The following UEVLD variants were observed in gnomAD, a reference collection of about 807,000 sequenced individuals.
UEVLD encodes ubiquitin-conjugating enzyme E2 variant 3.
UEVLD carries 47 observed loss-of-function variants against 58.6 expected under a neutral mutation model. That is an observed-to-expected ratio of 0.80 (90% CI 0.63 to 1.02). The LOEUF (loss-of-function observed/expected upper bound fraction) is 1.02, where lower values mean the gene tolerates loss of function less well. UEVLD is among the 50% of genes least tolerant of loss of function. The probability of loss-of-function intolerance (pLI) is 0.00; values close to 1 mark genes in which losing one functional copy is unlikely to be tolerated. For synonymous variants in UEVLD, 197 were observed against 195.3 expected (o/e 1.01, Z -0.07); for missense variants, 510 against 550.6 (o/e 0.93, Z 0.74).
chr11:18,534,803 CAT>C (rs1306782086), intron 10 of UEVLD, among the ~76,000 whole-genome samples: 1 of 152,204 alleles, frequency 6.6e-6, no homozygotes, highest in African/African-American at 2.4e-5. Context: ...CAGGCATTCT[CAT>C]AACTGCTATT....
rs34242612 is a variant in UEVLD, at chr11:18,546,995, A to T, written c.771T>A (p.Gly257=). 38,740 of 1,614,018 alleles carry T rather than the reference A, an allele frequency of 0.024. 1,420 individuals are homozygous for T. The highest frequency in any genetic ancestry group is 0.17 in the African/African-American group (12,683 of 74,966). The change falls in exon 8 of 12, where the codon GGT becomes GGA. Residue 257 remains glycine, a synonymous_variant. Coordinates refer to ENST00000396197, the MANE Select transcript of UEVLD (RefSeq NM_001040697.4). ...KVVIFTVNSL[G]SSQSYLDVVQ... is the part of the protein sequence containing the mutation. ...CCACATCAAGGTACGACTGAGAACT[A>T]CCCAAAGAGTTGACTGTGAAGATCA... is the stretch of plus-strand genomic sequence containing the variant.
rs751626540 is a variant in UEVLD, at chr11:18,578,794, GTCCCTGA to G, written c.50_56del (p.Phe17SerfsTer2). ...CATTCCTTAGTTCTTCCACAGTTAG[GTCCCTGA>G]ACTTGTACTGAAAAGAGAAAAATAA... On this transcript the variant is annotated frameshift_variant, in exon 2 of 12. Coordinates refer to ENST00000396197, the MANE Select transcript of UEVLD (RefSeq NM_001040697.4). LOFTEE classifies it high-confidence loss of function. The G allele has an allele frequency of 6.2e-7, 1 of 1,603,450 alleles. No homozygotes were observed. The highest frequency in any genetic ancestry group is 1.7e-5 in the Admixed American group (1 of 57,496).
At chr11:18,532,607 A>C (rs577017279) in intron 11 of UEVLD, 120 bp from the exon 12 acceptor site, 1 of 781,764 alleles carries the variant, frequency 1.3e-6, no homozygotes, top group African/African-American at 1.8e-5. Flanking sequence ...ACTTAAAAAA[A>C]TTTTTTTGTT....
chr11:18,547,194 A>G, intron 7 of UEVLD, 144 bp from the exon 8 acceptor site: 4 of 809,972 alleles, frequency 4.9e-6, no homozygotes, highest in Non-Finnish European at 7.5e-6. Context: ...CCACAAAAGC[A>G]TATAAAATGC....
At chr11:18,550,279 C>T (rs1851471104) in intron 7 of UEVLD, among the ~76,000 whole-genome samples, 1 of 152,196 alleles carries the variant, frequency 6.6e-6, no homozygotes, top group African/African-American at 2.4e-5. Context: ...TATGCCACAG[C>T]ACCCAGCTCA....
chr11:18,551,152 G>C (rs764676314), intron 7 of UEVLD, among the ~76,000 whole-genome samples: 1 of 152,082 alleles, frequency 6.6e-6, no homozygotes, highest in Non-Finnish European at 1.5e-5. Context: ...GGATAGGCCG[G>C]GTGCAGTGGC....
intron 10 of UEVLD, among the ~76,000 whole-genome samples, chr11:18,535,104 A>G (rs1437776196): frequency 6.6e-6 from 1 of 152,246 alleles, no homozygotes; most frequent in Non-Finnish European, 1.5e-5. Context: ...GCAAGATAGT[A>G]TGGATAGCAT....
At position 18,532,299 on chromosome 11, in the gene UEVLD, C is replaced by T. The variant is rs773852041; in HGVS notation, c.*21G>A. 154 of 1,582,178 alleles carry T rather than the reference C, an allele frequency of 9.7e-5. No individual in the cohort carries two copies. The highest frequency in any genetic ancestry group is 6.2e-4 in the Admixed American group (34 of 54,764). ...TTTTCCCTTTAGGTAGAAGTCCAGCCTCTCAAATTGCATTTGAGAATCAAA... is the reference window on the plus strand; with the variant it reads ...TTTTCCCTTTAGGTAGAAGTCCAGCTTCTCAAATTGCATTTGAGAATCAAA... On this transcript the variant is annotated 3_prime_UTR_variant, in exon 12 of 12. Transcript: ENST00000396197.
intron 9 of UEVLD, among the ~76,000 whole-genome samples, chr11:18,544,314 A>C (rs1198668687): frequency 2.0e-5 from 3 of 152,078 alleles, no homozygotes; most frequent in Non-Finnish European, 2.9e-5. Context: ...ATAATAATGT[A>C]CTTCTTTTTT....
At chr11:18,535,834 T>C (rs1290272960) in intron 10 of UEVLD, among the ~76,000 whole-genome samples, 1 of 152,214 alleles carries the variant, frequency 6.6e-6, no homozygotes, top group East Asian at 1.9e-4. Flanking sequence ...ACAAATTATC[T>C]TCTACATTAA....
chr11:18,541,377 G>A (rs1442342569), intron 9 of UEVLD, among the ~76,000 whole-genome samples: 1 of 152,196 alleles, frequency 6.6e-6, no homozygotes. Context: ...ATGTGTGCTT[G>A]TCTATACACA....
Position 18,580,478 on chromosome 11 carries a change from T to C in UEVLD, c.43-1670A>G, listed in dbSNP as rs545966546. Among the ~76,000 whole-genome samples, 34 of 152,020 alleles carry C rather than the reference T, an allele frequency of 2.2e-4. 1 individual carries two copies. The South Asian group carries it at 6.8e-3, about 31-fold the overall frequency. ...AACAATTCAAATGTCCATTAACTAATGAATGAATAAAATGTGGCATATCCA... is the reference window on the plus strand; with the variant it reads ...AACAATTCAAATGTCCATTAACTAACGAATGAATAAAATGTGGCATATCCA... On this transcript the variant is annotated intron_variant, in intron 1 of 11. Coordinates refer to ENST00000396197, the MANE Select transcript of UEVLD (RefSeq NM_001040697.4).
rs201872776 is a variant in UEVLD, at chr11:18,536,389, T to G, written c.1124+17A>C. The G allele has an allele frequency of 1.0e-4, 167 of 1,612,558 alleles. No homozygotes were observed. The Middle Eastern group carries it at 1.3e-3, about 13-fold the overall frequency. On this transcript the variant is annotated intron_variant, in intron 10 of 11. Coordinates refer to ENST00000396197, the MANE Select transcript of UEVLD (RefSeq NM_001040697.4). ...TGATTTTTCGTTGGATAAATGCAAATTTCCAGTCAGTGTTACCTGTTGGAC... is the reference window on the plus strand; with the variant it reads ...TGATTTTTCGTTGGATAAATGCAAAGTTCCAGTCAGTGTTACCTGTTGGAC...
intron 3 of UEVLD, among the ~76,000 whole-genome samples, chr11:18,572,421 C>T (rs1445527114): frequency 6.6e-6 from 1 of 152,168 alleles, no homozygotes; most frequent in African/African-American, 2.4e-5. Context: ...ATAGGCTTCA[C>T]TTCATCCCTT....
intron 1 of UEVLD, among the ~76,000 whole-genome samples, chr11:18,584,047 GT>G (rs1228168095): frequency 6.6e-6 from 1 of 152,046 alleles, no homozygotes; most frequent in African/African-American, 2.4e-5. Context: ...AGGGAACTAG[GT>G]AATTTCTCTA....
chr11:18,534,418 G>C lies in UEVLD; in HGVS notation c.1160C>G (p.Ser387Cys). 1 of 1,577,072 alleles carries C rather than the reference G, an allele frequency of 6.3e-7. No individual in the cohort carries two copies. Among genetic ancestry groups the C allele is most frequent in the South Asian group, 1.2e-5 (1 of 82,662 alleles). Residue 387 changes from serine to cysteine, a missense_variant, in exon 11 of 12, where the codon TCC (serine) becomes TGC (cysteine). Transcript: ENST00000396197. ...AGCTACTGATAGTCCAACAGACCAGGATCTTTGACCTTTTACTCTTAGCAG... is the reference window on the plus strand; with the variant it reads ...AGCTACTGATAGTCCAACAGACCAGCATCTTTGACCTTTTACTCTTAGCAG... ...MELLRVKGQR[S>C]WSVGLSVADM... is the part of the protein sequence containing the mutation.
chr11:18,575,121 G>A (rs993986568), intron 3 of UEVLD, among the ~76,000 whole-genome samples: 3 of 152,042 alleles, frequency 2.0e-5, no homozygotes, highest in Non-Finnish European at 2.9e-5. Context: ...TCGAAGTTAC[G>A]CTGTTCTATT....
At chr11:18,545,074 A>ATATATTT (rs1345787784) in intron 8 of UEVLD, among the ~76,000 whole-genome samples, 13 of 84,548 alleles carry the variant, frequency 1.5e-4, no homozygotes, top group East Asian at 1.0e-3. Context: ...CTATATCTAT[A>ATATATTT]TTTTTTTTTT....
intron 7 of UEVLD, 96 bp from the exon 8 acceptor site, chr11:18,547,146 A>G (rs1394963045): frequency 1.5e-6 from 2 of 1,306,982 alleles, no homozygotes; most frequent in Non-Finnish European, 2.1e-6. Flanking sequence ...CAAATAAGAG[A>G]GCTTTTAGGC....
Sources: allele counts gnomAD v4.1 joint callset (sites outside exome capture counted in the v4.1 genomes callset), GRCh38; gene constraint gnomAD v4.1.1; transcripts MANE v1.5; gene names NCBI Gene and HGNC (gene_info 2026-07-23, HGNC 2026-07-21).